The following HPSE2 variants were observed in gnomAD, a reference collection of about 807,000 sequenced individuals.
The protein encoded by HPSE2 is heparanase 2 (inactive).
HPSE2 carries 38 observed loss-of-function variants against 60.5 expected under a neutral mutation model. The ratio of observed to expected loss-of-function variants is 0.63; its 90% CI spans 0.48 to 0.82. The LOEUF is 0.82. HPSE2 is among the 40% of genes least tolerant of loss of function. The pLI is 0.00. For synonymous variants in HPSE2, 295 were observed against 293.2 expected (o/e 1.01, Z -0.06); for missense variants, 713 against 740.4 (o/e 0.96, Z 0.43).
intron 3 of HPSE2, among the ~76,000 whole-genome samples, chr10:98,769,378 T>C (rs1950194011): frequency 6.6e-6 from 1 of 152,194 alleles, no homozygotes; most frequent in South Asian, 2.1e-4. Context: ...AGAAATATTA[T>C]GGAAATGGAC....
intron 3 of HPSE2, among the ~76,000 whole-genome samples, chr10:98,953,370 G>A (rs1475328456): frequency 6.6e-6 from 1 of 152,078 alleles, no homozygotes; most frequent in Non-Finnish European, 1.5e-5. Flanking sequence ...CTGTGACTAC[G>A]ACCCTTTGGC....
intron 9 of HPSE2, among the ~76,000 whole-genome samples, chr10:98,589,703 T>C (rs1027174441): frequency 6.6e-6 from 1 of 152,186 alleles, no homozygotes; most frequent in African/African-American, 2.4e-5. Flanking sequence ...ATATGATCCA[T>C]CACCCTGTCA....
intron 3 of HPSE2, among the ~76,000 whole-genome samples, chr10:98,943,263 T>A (rs1280733623): frequency 1.3e-5 from 2 of 150,734 alleles, no homozygotes; most frequent in African/African-American, 4.9e-5. Flanking sequence ...AATAAAAAAA[T>A]AAATAAATAA....
intron 3 of HPSE2, among the ~76,000 whole-genome samples, chr10:98,789,434 A>G (rs1402631623): frequency 6.6e-6 from 1 of 152,252 alleles, no homozygotes. Flanking sequence ...AGGATCGACA[A>G]CTTTGAAAGG....
At chr10:98,781,298 T>A (rs1405068467) in intron 3 of HPSE2, among the ~76,000 whole-genome samples, 6 of 119,856 alleles carry the variant, frequency 5.0e-5, no homozygotes, top group African/African-American at 2.1e-4. Context: ...TTTTTTTTTT[T>A]TTTTTTTTAT....
At chr10:98,876,669 G>T (rs551096230) in intron 3 of HPSE2, among the ~76,000 whole-genome samples, 21 of 151,920 alleles carry the variant, frequency 1.4e-4, no homozygotes, top group African/African-American at 5.1e-4. Flanking sequence ...TGGCAACTTT[G>T]CCAACTGTAC....
chr10:99,089,565 G>A (rs774002440), intron 3 of HPSE2, among the ~76,000 whole-genome samples: 1 of 152,082 alleles, frequency 6.6e-6, no homozygotes, highest in Non-Finnish European at 1.5e-5. Context: ...TGCTGTTTTG[G>A]TGACTATGGC....
chr10:99,248,209 A>C, the HPSE2 span, among the ~76,000 whole-genome samples: 2 of 152,214 alleles, frequency 1.3e-5, no homozygotes, highest in Admixed American at 1.3e-4. Context: ...GAAAGTTTGA[A>C]ACCTCCTAGA....
intron 5 of HPSE2, among the ~76,000 whole-genome samples, chr10:98,721,410 A>C (rs1030586269): frequency 6.6e-6 from 1 of 151,836 alleles, no homozygotes; most frequent in African/African-American, 2.4e-5. Flanking sequence ...TTCCTTTCCA[A>C]CCCATCCTAG....
At chr10:98,781,651 T>G (rs988711698) in intron 3 of HPSE2, among the ~76,000 whole-genome samples, 1 of 152,070 alleles carries the variant, frequency 6.6e-6, no homozygotes, top group Admixed American at 6.6e-5. Context: ...GAAATATAAA[T>G]TAAAACATTT....
chr10:98,959,380 G>C (rs1484868691), intron 3 of HPSE2, among the ~76,000 whole-genome samples: 1 of 122,224 alleles, frequency 8.2e-6, no homozygotes, highest in Admixed American at 8.1e-5. Context: ...AAAAAAAAAA[G>C]GCCAGTGGAT....
Position 99,184,805 on chromosome 10 carries a change from TATATATATATATATAGAGAGAGAGAGAG to T in HPSE2, c.449-40434_449-40407del, listed in dbSNP as rs1308381367. ...CCAAAATTATATATATATATATATA[TATATATATATATATAGAGAGAGAGAGAG>T]AGAGAGAGAGAGAGAGAGAGAGAGA... On this transcript the variant is annotated intron_variant, in intron 2 of 11. Coordinates refer to ENST00000370552, the MANE Select transcript of HPSE2 (RefSeq NM_021828.5). 2.0e-4 allele frequency among the ~76,000 whole-genome samples: 7 copies of T among 35,006 alleles called. 1 individual carries two copies. The highest frequency in any genetic ancestry group is 1.8e-3 in the South Asian group (1 of 542). 23.0% of individuals were successfully genotyped at this position (35,006 alleles called of 152,430 possible).
chr10:98,697,434 A>G (rs967079891), intron 5 of HPSE2, among the ~76,000 whole-genome samples: 1 of 152,206 alleles, frequency 6.6e-6, no homozygotes, highest in Non-Finnish European at 1.5e-5. Flanking sequence ...TTGCTGAAAT[A>G]AGGCATGCAG....
At chr10:98,566,013 C>G (rs946100225) in intron 9 of HPSE2, among the ~76,000 whole-genome samples, 1 of 152,152 alleles carries the variant, frequency 6.6e-6, no homozygotes, top group Admixed American at 6.5e-5. Flanking sequence ...TCCAGGCCTC[C>G]TGCAAGATCC....
chr10:98,797,609 C>T (rs1051493881), intron 3 of HPSE2, among the ~76,000 whole-genome samples: 1 of 151,846 alleles, frequency 6.6e-6, no homozygotes, highest in Non-Finnish European at 1.5e-5. Flanking sequence ...TTTGGGAGGC[C>T]GAGGCGGGCA....
chr10:99,181,487 C>T (rs1310989114), intron 2 of HPSE2, among the ~76,000 whole-genome samples: 1 of 151,604 alleles, frequency 6.6e-6, no homozygotes, highest in Non-Finnish European at 1.5e-5. Context: ...AACCAAAACG[C>T]CCATCAATGA....
intron 7 of HPSE2, among the ~76,000 whole-genome samples, chr10:98,633,089 A>T (rs996560920): frequency 3.3e-5 from 5 of 151,920 alleles, no homozygotes. Flanking sequence ...TCCTCATCCT[A>T]CTCAATGTGA....
chr10:98,585,285 T>TC (rs535944528), intron 9 of HPSE2, among the ~76,000 whole-genome samples: 3 of 151,768 alleles, frequency 2.0e-5, no homozygotes, highest in Non-Finnish European at 4.4e-5. Context: ...TCTTTTTTTT[T>TC]TTTTGAGATG....
intron 3 of HPSE2, among the ~76,000 whole-genome samples, chr10:99,001,817 A>C (rs1407887524): frequency 6.6e-6 from 1 of 152,152 alleles, no homozygotes; most frequent in Non-Finnish European, 1.5e-5. Flanking sequence ...ATAATCCATC[A>C]AGCTACAGTA....
Sources: gnomAD v4.1 joint callset for allele counts (sites outside exome capture counted in the v4.1 genomes callset) on GRCh38, gnomAD v4.1.1 for gene constraint, MANE v1.5 for transcripts, NCBI Gene and HGNC (gene_info 2026-07-23, HGNC 2026-07-21) for gene names.